Variants in DNHD1 observed in about 807,000 individuals in gnomAD.
The protein encoded by DNHD1 is dynein heavy chain domain-containing protein 1.
A neutral mutation model predicts 458.1 loss-of-function variants in DNHD1; 383 were observed. That is an observed-to-expected ratio of 0.84 (90% CI 0.77 to 0.91). DNHD1 has a LOEUF of 0.91. Ranked by LOEUF, DNHD1 falls within the 40% of genes least tolerant of loss-of-function variation. The pLI is 0.00. For missense variants in DNHD1, 5,336 were observed against 5,866.1 expected (o/e 0.91, Z 2.95); for synonymous variants, 2,203 against 2,376.9 (o/e 0.93, Z 2.13).
rs746277595 is a variant in DNHD1, at chr11:6,520,214, C to T, written c.1786-24C>T. The T allele has an allele frequency of 1.9e-6, 3 of 1,568,758 alleles. No homozygotes were observed. The South Asian group carries it at 3.5e-5, about 18-fold the overall frequency. On this transcript the variant is annotated intron_variant, in intron 9 of 42. Transcript: ENST00000254579. The stretch of plus-strand genomic sequence containing the variant: ...CCCTCATTGCTTTCCCATTTCTGCC[C>T]CTTCTCCATATCCTGGCATGAAGGT...
chr11:6,563,597 G>A (rs1174966650), intron 30 of DNHD1, 33 bp downstream of exon 30: 3 of 1,549,190 alleles, frequency 1.9e-6, no homozygotes, highest in South Asian at 2.4e-5. Flanking sequence ...AAGGAGGATA[G>A]GGGAGGCATA....
rs1348323469 is a variant in DNHD1, at chr11:6,544,608, G to T, written c.3789G>T (p.Gln1263His). 2 of 1,551,584 alleles carry T rather than the reference G, an allele frequency of 1.3e-6. No homozygotes were observed. The highest frequency in any genetic ancestry group is 4.9e-5 in the East Asian group (2 of 40,910). ...TGGAGGTGTGGCTGACTTTCCAGCAGAAGTGGATTTTTCTGAATAAAGTTC... is the reference window on the plus strand; with the variant it reads ...TGGAGGTGTGGCTGACTTTCCAGCATAAGTGGATTTTTCTGAATAAAGTTC... The part of the protein sequence containing the change: ...ALLEVWLTFQ[Q>H]KWIFLNKVLH... Residue 1263 changes from glutamine to histidine, a missense_variant, in exon 20 of 43, where the codon CAG becomes CAT. Transcript: ENST00000254579.
intron 6 of DNHD1, 125 bp from the exon 7 acceptor site, chr11:6,511,138 ATTGGTCACTG>A (rs1852328203): frequency 1.7e-6 from 2 of 1,191,010 alleles, no homozygotes; most frequent in Middle Eastern, 3.0e-4. Flanking sequence ...AGCTGTCACT[ATTGGTCACTG>A]TTGGTAATAT....
intron 12 of DNHD1, among the ~76,000 whole-genome samples, chr11:6,531,554 A>C (rs57842451): frequency 1.5e-3 from 234 of 152,250 alleles, no homozygotes; most frequent in African/African-American, 5.5e-3. Context: ...AAGCAAACAA[A>C]TGTGGCAGCA....
At position 6,568,836 on chromosome 11, in the gene DNHD1, G is replaced by T. The variant is rs765380126; in HGVS notation, c.12833G>T (p.Gly4278Val). ...CTCCTGCTACACCGGCAGCTCTATG[G>T]AACAAGGCTGCAGGCACACAGGGGG... The part of the protein sequence containing the change: ...HGLLLHRQLY[G>V]TRLQAHRGRW... The change falls in exon 39 of 43, where the codon GGA becomes GTA. Residue 4278 changes from glycine (G) to valine (V), a missense_variant. Coordinates refer to ENST00000254579, the MANE Select transcript of DNHD1 (RefSeq NM_144666.3). 6.2e-7 allele frequency: 1 copy of T among 1,612,260 alleles called. No individual in the cohort carries two copies. The highest frequency in any genetic ancestry group is 2.2e-5 in the East Asian group (1 of 44,796).
In DNHD1 at chr11:6,557,615, A is replaced by C. The variant is rs1267635307; in HGVS notation, c.8320A>C (p.Thr2774Pro). The change falls in exon 25 of 43, where the codon ACA becomes CCA. Residue 2774 changes from threonine to proline, a missense_variant. Transcript: ENST00000254579. ...ISHKIRQEKGTRASNYRLQVR... is the reference protein window; with the variant it reads ...ISHKIRQEKGPRASNYRLQVR... ...TCACAAGATAAGGCAAGAGAAAGGC[A>C]CAAGGGCATCCAACTATAGGCTCCA... The C allele has an allele frequency of 1.3e-6, 2 of 1,551,816 alleles. No homozygotes were observed. The highest frequency in any genetic ancestry group is 1.7e-6 in the Non-Finnish European group (2 of 1,147,010).
At chr11:6,558,460 A>T (rs1303542296) in intron 25 of DNHD1, 25 bp from the exon 26 acceptor site, 1 of 1,550,828 alleles carries the variant, frequency 6.4e-7, no homozygotes, top group Admixed American at 2.0e-5. Flanking sequence ...AAAGGGGAGG[A>T]CATTAGCTGA....
intron 39 of DNHD1, among the ~76,000 whole-genome samples, chr11:6,569,158 G>C (rs1853780723): frequency 6.6e-6 from 1 of 152,174 alleles, no homozygotes; most frequent in Admixed American, 6.5e-5. Context: ...TGAGGAGGGA[G>C]AAGTAAGGTT....
chr11:6,552,596 T>A (rs899136240), intron 24 of DNHD1, among the ~76,000 whole-genome samples: 1 of 149,046 alleles, frequency 6.7e-6, no homozygotes, highest in Admixed American at 6.7e-5. Context: ...TCAGGAAACT[T>A]AAAGTCGTGG....
chr11:6,570,220 A>G (rs1400724129), intron 40 of DNHD1, 27 bp from the exon 41 acceptor site: 1 of 1,613,660 alleles, frequency 6.2e-7, no homozygotes, highest in Non-Finnish European at 8.5e-7. Context: ...AGGTACTGGA[A>G]CTGAGAGACT....
chr11:6,532,596 T>C (rs1852848555), intron 12 of DNHD1, among the ~76,000 whole-genome samples: 1 of 152,220 alleles, frequency 6.6e-6, no homozygotes, highest in Non-Finnish European at 1.5e-5. Context: ...TTCATCTTTT[T>C]GGAGAATTAA....
rs746236109 is a variant in DNHD1 at position 6,568,520 on chromosome 11, A to G, written c.12605A>G (p.His4202Arg). The G allele has an allele frequency of 8.7e-6, 14 of 1,613,904 alleles. No individual in the cohort carries two copies. Among genetic ancestry groups the G allele is most frequent in the African/African-American group, 1.3e-5 (1 of 74,948 alleles). ...QPESRNVSTV[H>R]RDFRLWLIVP... is the part of the protein sequence containing the mutation. Reference sequence around the variant, plus strand: ...GAAAGCAGGAATGTAAGCACTGTTCACAGAGATTTTCGTCTTTGGCTTATT... The same window carrying G: ...GAAAGCAGGAATGTAAGCACTGTTCGCAGAGATTTTCGTCTTTGGCTTATT... The change falls in exon 38 of 43, where the codon CAC becomes CGC. Residue 4202 changes from histidine to arginine, a missense_variant. Around this residue, in one of 4 missense-constraint regions of DNHD1, gnomAD observed 695 missense variants for 804.2 expected, o/e 0.86. Transcript: ENST00000254579.
chr11:6,566,824 G>A (rs534027560), intron 35 of DNHD1, 59 bp downstream of exon 35: 11 of 1,599,380 alleles, frequency 6.9e-6, no homozygotes, highest in African/African-American at 1.3e-5. Context: ...GGGTAAGGGG[G>A]TGGAGATGAA....
Position 6,529,060 on chromosome 11 carries a change from C to T in DNHD1, c.2286C>T (p.Ile762=), listed in dbSNP as rs1453004353. The change falls in exon 12 of 43, where the codon ATC becomes ATT. Residue 762 remains isoleucine, a synonymous_variant. Transcript: ENST00000254579. Reference sequence around the variant, plus strand: ...AGGCCCGTGTCTCCAGTATGCCTATCGAGTTGCTCACAAAAGGCGGGTTGC... The same window carrying T: ...AGGCCCGTGTCTCCAGTATGCCTATTGAGTTGCTCACAAAAGGCGGGTTGC... The part of the protein sequence containing the change: ...VWQARVSSMP[I]ELLTKGGLLL... 3 of 1,550,826 alleles carry T rather than the reference C, an allele frequency of 1.9e-6. No homozygotes were observed. Among genetic ancestry groups the T allele is most frequent in the East Asian group, 2.4e-5 (1 of 40,918 alleles).
chr11:6,543,154 G>A (rs7103173), intron 18 of DNHD1, among the ~76,000 whole-genome samples: 1 of 152,112 alleles, frequency 6.6e-6, no homozygotes, highest in African/African-American at 2.4e-5. Flanking sequence ...AGTAGAAGTT[G>A]TGTGACTCTG....
chr11:6,557,396 G>A lies in DNHD1; in HGVS notation c.8101G>A (p.Glu2701Lys), dbSNP rs767796881. 1.3e-6 allele frequency: 2 copies of A among 1,551,144 alleles called. No individual in the cohort carries two copies. Among genetic ancestry groups the A allele is most frequent in the Admixed American group, 2.0e-5 (1 of 51,012 alleles). ...CCATCAGGAGAGTGAGGAGGAGGAG[G>A]AGGAGGAGAGGGTGCCCGAAGTAGA... ...KDHQESEEEE[E>K]EERVPEVESE... The change falls in exon 25 of 43, where the codon GAG (glutamate) becomes AAG (lysine). Residue 2701 changes from glutamate to lysine, a missense_variant. This residue lies in a region of DNHD1 where 3,932 missense variants were observed against 4,365.6 expected (regional missense o/e 0.90). Coordinates refer to ENST00000254579, the MANE Select transcript of DNHD1 (RefSeq NM_144666.3).
intron 19 of DNHD1, 47 bp downstream of exon 19, chr11:6,544,293 G>C: frequency 6.5e-7 from 1 of 1,549,804 alleles, no homozygotes; most frequent in Non-Finnish European, 8.7e-7. Flanking sequence ...CCTGAGGCAG[G>C]ATGTCCCAGA....
rs777287709 is a variant in DNHD1 at position 6,533,685 on chromosome 11, A to G, written c.2510A>G (p.Asn837Ser). The part of the protein sequence containing the change: ...HAIAQCTQKL[N>S]EANEQYVELE... ...CTCATGCTGTAATTCCTGCAGTTGA[A>G]TGAAGCCAATGAACAGTACGTCGAG... is the stretch of plus-strand genomic sequence containing the variant. Residue 837 changes from asparagine to serine, a missense_variant, in exon 14 of 43, where the codon AAT (asparagine) becomes AGT (serine). This residue lies in a region of DNHD1 where 3,932 missense variants were observed against 4,365.6 expected (regional missense o/e 0.90). Coordinates refer to ENST00000254579, the MANE Select transcript of DNHD1 (RefSeq NM_144666.3). The G allele has an allele frequency of 4.5e-6, 7 of 1,543,632 alleles. No individual in the cohort carries two copies. The highest frequency in any genetic ancestry group is 2.5e-5 in the East Asian group (1 of 40,772).
At chr11:6,527,013 A>T (rs1441934646) in intron 10 of DNHD1, among the ~76,000 whole-genome samples, 1 of 152,058 alleles carries the variant, frequency 6.6e-6, no homozygotes, top group Non-Finnish European at 1.5e-5. Context: ...AGATGGTTTG[A>T]CCCCACCTAC....
Sources: gnomAD v4.1 joint callset for allele counts (sites outside exome capture counted in the v4.1 genomes callset) on GRCh38, gnomAD v4.1.1 for gene constraint, gnomAD v4.1.1 regional missense constraint, MANE v1.5 for transcripts, NCBI Gene and HGNC (gene_info 2026-07-23, HGNC 2026-07-21) for gene names.